ZBTB1: variants seen among roughly 807,000 people sequenced by gnomAD.
ZBTB1 encodes zinc finger and BTB domain containing 1, also known as zinc finger and BTB domain-containing protein 1.
ZBTB1 carries 13 observed loss-of-function variants against 51.6 expected under a neutral mutation model. That is an observed-to-expected ratio of 0.25 (90% CI 0.16 to 0.40). ZBTB1 has a LOEUF of 0.40. Among genes scored for constraint, ZBTB1 ranks in the 10% least tolerant of loss-of-function variants. ZBTB1 has a pLI of 1.00. For synonymous variants in ZBTB1, 240 were observed against 282.2 expected (o/e 0.85, Z 1.50); for missense variants, 567 against 856.5 (o/e 0.66, Z 4.22).
Position 64,522,599 on chromosome 14 carries a change from T to C in ZBTB1, c.1095T>C (p.Pro365=). ...STDNDELEDE[P]EEPFYRYYVE... is the part of the protein sequence containing the mutation. ...ACAATGATGAATTAGAAGATGAACC[T>C]GAAGAGCCATTTTATAGATACTATG... Residue 365 remains proline, a synonymous_variant, in exon 2 of 2, where the codon CCT becomes CCC. Transcript: ENST00000683701. The C allele has an allele frequency of 6.2e-7, 1 of 1,613,918 alleles. No individual in the cohort carries two copies. The highest frequency in any genetic ancestry group is 1.1e-5 in the South Asian group (1 of 91,034).
downstream of ZBTB1, among the ~76,000 whole-genome samples, chr14:64,526,875 C>G (rs914085487): frequency 3.3e-5 from 5 of 151,484 alleles, no homozygotes; most frequent in African/African-American, 1.2e-4. Flanking sequence ...GACCCTATCT[C>G]TAAAAAAAAA....
intron 1 of ZBTB1, among the ~76,000 whole-genome samples, chr14:64,519,628 A>C (rs563993592): frequency 6.6e-6 from 1 of 151,590 alleles, no homozygotes; most frequent in East Asian, 2.0e-4. Context: ...AAAAACAAAA[A>C]AAAACTGAAT....
chr14:64,503,737 G>A (rs1030636678), upstream of ZBTB1: 9 of 469,496 alleles, frequency 1.9e-5, no homozygotes, highest in Admixed American at 4.5e-4. Context: ...TGCAAGCAGT[G>A]GCGCCGGCTC....
Position 64,523,550 on chromosome 14 carries a change from T to C in ZBTB1, c.2046T>C (p.Asp682=), listed in dbSNP as rs2079880009. The change falls in exon 2 of 2, where the codon GAT becomes GAC. Residue 682 remains aspartate (D), a synonymous_variant. Transcript: ENST00000683701. This position sits in a 1 kb window ranked among gnomAD's most constrained non-coding sequence, Gnocchi z 4.5. ...ATGAACAGTTGGAGCAGCACATGGA[T>C]GTTCATCTGTATACATGTGGAATAT... ...PNNEQLEQHM[D]VHLYTCGICG... The C allele has an allele frequency of 6.4e-7, 1 of 1,569,276 alleles. No homozygotes were observed. Among genetic ancestry groups the C allele is most frequent in the African/African-American group, 1.4e-5 (1 of 73,500 alleles).
chr14:64,506,619 C>A (rs1038621769), intron 1 of ZBTB1, among the ~76,000 whole-genome samples: 7 of 152,324 alleles, frequency 4.6e-5, no homozygotes, highest in African/African-American at 1.7e-4. Context: ...ATAAACATAA[C>A]GTCTACAGTA....
At chr14:64,506,387 G>C (rs2079656429) in intron 1 of ZBTB1, among the ~76,000 whole-genome samples, 1 of 152,128 alleles carries the variant, frequency 6.6e-6, no homozygotes, top group South Asian at 2.1e-4. Flanking sequence ...ACAAAAATTA[G>C]CCTGGCGTGG....
At chr14:64,504,734 G>A (rs1164768478), upstream of ZBTB1, 1 of 373,358 alleles carries the variant, frequency 2.7e-6, no homozygotes, top group Non-Finnish European at 4.8e-6. Flanking sequence ...TCAGTGCGGT[G>A]CGGCAGGCGC....
chr14:64,507,968 T>C (rs1195606722), intron 1 of ZBTB1, among the ~76,000 whole-genome samples: 2 of 152,060 alleles, frequency 1.3e-5, no homozygotes, highest in African/African-American at 2.4e-5. Flanking sequence ...ATGCTGAACA[T>C]ATGGAAAGGA....
Position 64,521,819 on chromosome 14 carries a change from G to A in ZBTB1, c.315G>A (p.Gln105=). ...EQFKVAMNYL[Q]LYNVPDCLED... is the part of the protein sequence containing the mutation. ...TTAAAGTGGCAATGAACTACCTACAGCTATACAATGTTCCTGACTGTTTAG... is the reference window on the plus strand; with the variant it reads ...TTAAAGTGGCAATGAACTACCTACAACTATACAATGTTCCTGACTGTTTAG... The change falls in exon 2 of 2, where the codon CAG becomes CAA. Residue 105 remains glutamine, a synonymous_variant. Transcript: ENST00000683701. The A allele has an allele frequency of 6.2e-7, 1 of 1,611,586 alleles. No individual in the cohort carries two copies. The highest frequency in any genetic ancestry group is 1.6e-4 in the Middle Eastern group (1 of 6,062).
In ZBTB1 at chr14:64,523,100, C is replaced by T; in HGVS notation, c.1596C>T (p.Cys532=). 6.2e-7 allele frequency: 1 copy of T among 1,614,186 alleles called. No homozygotes were observed. The highest frequency in any genetic ancestry group is 8.5e-7 in the Non-Finnish European group (1 of 1,180,028). Residue 532 remains cysteine, a synonymous_variant, in exon 2 of 2, where the codon TGC becomes TGT. Coordinates refer to ENST00000683701, the MANE Select transcript of ZBTB1 (RefSeq NM_001123329.2). The surrounding 1 kb of genome is among the most constrained non-coding windows in gnomAD (Gnocchi z 4.5). ...QKKQLFKHSA[C]PFRCPNCGQR... is the part of the protein sequence containing the mutation. ...AGCAGTTATTTAAACATTCTGCCTG[C>T]CCTTTTCGATGTCCTAATTGTGGCC...
intron 1 of ZBTB1, among the ~76,000 whole-genome samples, chr14:64,509,214 A>G (rs551575263): frequency 1.3e-5 from 2 of 152,328 alleles, no homozygotes; most frequent in South Asian, 4.1e-4. Flanking sequence ...TACAAACAAT[A>G]CAAAAGTTAG....
rs753589022 is a variant in ZBTB1 at position 64,522,317 on chromosome 14, A to G, written c.813A>G (p.Lys271=). 1 of 1,614,214 alleles carries G rather than the reference A, an allele frequency of 6.2e-7. No homozygotes were observed. Among genetic ancestry groups the G allele is most frequent in the African/African-American group, 1.3e-5 (1 of 75,070 alleles). ...ACATCAAAGCTGAATTTGGTGAAAA[A>G]GATTCTTCCAAAACATTTTCTGCAC... The part of the protein sequence containing the change: ...DSNIKAEFGE[K]DSSKTFSAQT... Residue 271 remains lysine, a synonymous_variant, in exon 2 of 2, where the codon AAA becomes AAG. Transcript: ENST00000683701.
In ZBTB1 at chr14:64,523,470, C is replaced by T; in HGVS notation, c.1966C>T (p.His656Tyr). 1 of 1,613,978 alleles carries T rather than the reference C, an allele frequency of 6.2e-7. No individual in the cohort carries two copies. Among genetic ancestry groups the T allele is most frequent in the Non-Finnish European group, 8.5e-7 (1 of 1,179,908 alleles). The change falls in exon 2 of 2, where the codon CAT becomes TAT. Residue 656 changes from histidine (H) to tyrosine (Y), a missense_variant. This residue lies in a region of ZBTB1 where 69 missense variants were observed against 171.8 expected (regional missense o/e 0.40). Coordinates refer to ENST00000683701, the MANE Select transcript of ZBTB1 (RefSeq NM_001123329.2). The surrounding 1 kb of genome is among the most constrained non-coding windows in gnomAD (Gnocchi z 4.5). ...TGACCATGTACGGCATATGATTTCT[C>T]ATTTATCTGCTGGTGAGACTATATG... ...KHDHVRHMIS[H>Y]LSAGETICQV...
intron 1 of ZBTB1, among the ~76,000 whole-genome samples, chr14:64,519,418 A>G (rs1330441650): frequency 1.3e-5 from 2 of 150,368 alleles, no homozygotes; most frequent in South Asian, 4.2e-4. Context: ...GATTACAGGC[A>G]TGAGCCACCG....
chr14:64,522,027 G>A lies in ZBTB1; in HGVS notation c.523G>A (p.Ala175Thr). The A allele has an allele frequency of 6.2e-7, 1 of 1,614,202 alleles. No homozygotes were observed. Among genetic ancestry groups the A allele is most frequent in the Admixed American group, 1.7e-5 (1 of 60,028 alleles). ...GGTAAATACACCACATAATAGAGAG[G>A]CTGATGAAGAGTCTTTACAATTAGG... Reference protein sequence around the residue: ...STVNTPHNREADEESLQLGNF... With the variant: ...STVNTPHNRETDEESLQLGNF... The change falls in exon 2 of 2, where the codon GCT becomes ACT. Residue 175 changes from alanine (A) to threonine (T), a missense_variant. Transcript: ENST00000683701.
At chr14:64,528,344 C>CTTTTTTTTT (rs71123857), downstream of ZBTB1, among the ~76,000 whole-genome samples, 1 of 115,538 alleles carries the variant, frequency 8.7e-6, no homozygotes, top group Non-Finnish European at 1.7e-5. Flanking sequence ...TTTTTCTTTT[C>CTTTTTTTTT]TTTTTTTTTT....
At chr14:64,515,205 A>AT (rs1166189912) in intron 1 of ZBTB1, among the ~76,000 whole-genome samples, 4 of 152,176 alleles carry the variant, frequency 2.6e-5, no homozygotes, top group Non-Finnish European at 5.9e-5. Context: ...TCCAAATGAC[A>AT]TTAAGTCCTT....
At chr14:64,510,251 A>AT (rs1777098704) in intron 1 of ZBTB1, among the ~76,000 whole-genome samples, 1 of 152,240 alleles carries the variant, frequency 6.6e-6, no homozygotes, top group Non-Finnish European at 1.5e-5. Flanking sequence ...AAGGATTACC[A>AT]TCCCTTCTTA....
rs541070294 is a variant in ZBTB1, at chr14:64,508,934, C to G, written c.-19+3988C>G. 5.3e-5 allele frequency among the ~76,000 whole-genome samples: 8 copies of G among 152,236 alleles called. 1 individual carries two copies. In the South Asian group the frequency reaches 1.7e-3, roughly 32 times the overall value. ...AGGAGCTTGCAGTAAAGCAGGGGAG[C>G]CAAATAATTGCAATATCTGCCTTAA... On this transcript the variant is annotated intron_variant, in intron 1 of 1. Transcript: ENST00000683701.
Sources: allele counts gnomAD v4.1 joint callset (sites outside exome capture counted in the v4.1 genomes callset), GRCh38; gene constraint gnomAD v4.1.1; regional missense constraint gnomAD v4.1.1; non-coding constraint Gnocchi (gnomAD v3.1); transcripts MANE v1.5; gene names NCBI Gene and HGNC (gene_info 2026-07-23, HGNC 2026-07-21).